The following SPATS2 variants were observed in gnomAD, a reference collection of about 807,000 sequenced individuals.
SPATS2 encodes spermatogenesis associated serine rich 2.
A neutral mutation model predicts 63.7 loss-of-function variants in SPATS2; 38 were observed. The ratio of observed to expected loss-of-function variants is 0.60; its 90% CI spans 0.46 to 0.78. SPATS2 has a LOEUF of 0.78. Among genes scored for constraint, SPATS2 ranks in the 30% least tolerant of loss-of-function variants. The pLI is 0.00. For missense variants in SPATS2, 588 were observed against 666.2 expected, an observed-to-expected ratio of 0.88 and a Z score of 1.29; for synonymous variants, 207 against 232.9, an observed-to-expected ratio of 0.89 and a Z score of 1.01.
At chr12:49,516,138 CAAAAAA>C (rs57936702) in intron 10 of SPATS2, among the ~76,000 whole-genome samples, 2 of 3,474 alleles carry the variant, frequency 5.8e-4, no homozygotes, top group African/African-American at 1.4e-3. Flanking sequence ...GACTCCATCT[CAAAAAA>C]AAAAAAAAAA....
chr12:49,387,868 C>A (rs1944347698), intron 2 of SPATS2, among the ~76,000 whole-genome samples: 1 of 152,106 alleles, frequency 6.6e-6, no homozygotes, highest in South Asian at 2.1e-4. Flanking sequence ...GAGTATCTTA[C>A]TGCAGGTGTA....
intron 3 of SPATS2, among the ~76,000 whole-genome samples, chr12:49,467,707 C>CT (rs972209023): frequency 6.4e-4 from 97 of 151,160 alleles, no homozygotes; most frequent in African/African-American, 1.8e-3. Flanking sequence ...CTCTTTTTTT[C>CT]TTTTTTTTTG....
rs753378038 is a variant in SPATS2 at position 49,409,592 on chromosome 12, A to ATTT, written c.-244+38327_-244+38329dup. ...CAGGCGTGAGCCACTGTGCCCAGCAATTTTTTTTTTTTTTTTTTTTTTTTT... is the reference window on the plus strand; with the variant it reads ...CAGGCGTGAGCCACTGTGCCCAGCAATTTTTTTTTTTTTTTTTTTTTTTTTTTT... On this transcript the variant is annotated intron_variant, in intron 2 of 13. Coordinates refer to ENST00000552918, the MANE Select transcript of SPATS2 (RefSeq NM_023071.4). 2.2e-4 allele frequency among the ~76,000 whole-genome samples: 16 copies of ATTT among 73,546 alleles called. 1 individual carries two copies. The highest frequency in any genetic ancestry group is 3.8e-4 in the African/African-American group (6 of 15,806). 48.2% of individuals were successfully genotyped at this position (73,546 alleles called of 152,430 possible).
intron 9 of SPATS2, among the ~76,000 whole-genome samples, chr12:49,511,167 C>T (rs899434583): frequency 6.6e-6 from 1 of 151,084 alleles, no homozygotes; most frequent in Non-Finnish European, 1.5e-5. Context: ...TGCTATTGTA[C>T]TCCAGAGCGA....
intron 3 of SPATS2, among the ~76,000 whole-genome samples, chr12:49,477,834 A>G (rs1420143557): frequency 6.6e-6 from 1 of 151,974 alleles, no homozygotes; most frequent in Non-Finnish European, 1.5e-5. Context: ...TCTCTTTTTC[A>G]TAAATATTTT....
rs750273703 is a variant in SPATS2, at chr12:49,489,532, T to C, written c.173T>C (p.Phe58Ser). ...GAAATTATCCTGGTTTTGCAGCACT[T>C]TGATAACTGTGTGGACAAAACAGTA... ...NNEIILVLQH[F>S]DNCVDKTVQA... The change falls in exon 5 of 14, where the codon TTT becomes TCT. Residue 58 changes from phenylalanine to serine, a missense_variant. Phe to Ser is a radical substitution (Grantham distance 155). Coordinates refer to ENST00000552918, the MANE Select transcript of SPATS2 (RefSeq NM_023071.4). The C allele has an allele frequency of 2.5e-6, 4 of 1,613,750 alleles. No individual in the cohort carries two copies. Among genetic ancestry groups the C allele is most frequent in the East Asian group, 2.2e-5 (1 of 44,820 alleles).
At chr12:49,474,486 G>A (rs1946087440) in intron 3 of SPATS2, among the ~76,000 whole-genome samples, 1 of 152,212 alleles carries the variant, frequency 6.6e-6, no homozygotes, top group African/African-American at 2.4e-5. Context: ...AGGTAGATGG[G>A]TGGAGAGGGA....
intron 8 of SPATS2, among the ~76,000 whole-genome samples, chr12:49,499,688 T>C (rs890673942): frequency 3.3e-5 from 5 of 152,208 alleles, no homozygotes; most frequent in Admixed American, 1.3e-4. Flanking sequence ...TGAGGATTTC[T>C]CCTCCCTGCA....
At chr12:49,486,185 TTTG>T (rs1002107618) in intron 4 of SPATS2, 72 of 450,280 alleles carry the variant, frequency 1.6e-4, no homozygotes, top group African/African-American at 5.6e-4. Context: ...TTTGGTGCCT[TTTG>T]TTGTTGTTGT....
intron 2 of SPATS2, among the ~76,000 whole-genome samples, chr12:49,398,156 A>G (rs554624745): frequency 0.04 from 5,706 of 140,970 alleles, 79 homozygotes; most frequent in Non-Finnish European, 0.047. Flanking sequence ...AAAAAAAAAA[A>G]AAAAGAAAAG....
At chr12:49,505,061 G>C (rs1013835962) in intron 9 of SPATS2, among the ~76,000 whole-genome samples, 2 of 150,584 alleles carry the variant, frequency 1.3e-5, no homozygotes, top group African/African-American at 4.9e-5. Flanking sequence ...ACCTCGCCCA[G>C]CTCAGAGCTT....
rs112590328 is a variant in SPATS2 at position 49,508,269 on chromosome 12, G to A, written c.840-6286G>A. ...GTCTCCCAGGCCAGAATGTAGTGGC[G>A]CAATATCGGTTCACTGCTACCTCTG... On this transcript the variant is annotated intron_variant, in intron 9 of 13. Coordinates refer to ENST00000552918, the MANE Select transcript of SPATS2 (RefSeq NM_023071.4). 7.3e-3 allele frequency among the ~76,000 whole-genome samples: 1,112 copies of A among 151,868 alleles called. 10 individuals carry two copies. Among genetic ancestry groups the A allele is most frequent in the African/African-American group, 0.025 (1,046 of 41,382 alleles).
At chr12:49,477,367 C>G (rs1946135507) in intron 3 of SPATS2, among the ~76,000 whole-genome samples, 1 of 152,112 alleles carries the variant, frequency 6.6e-6, no homozygotes, top group Non-Finnish European at 1.5e-5. Context: ...AAATGGCACT[C>G]AAAGGAGCAA....
chr12:49,484,155 C>T (rs150289083), intron 3 of SPATS2, among the ~76,000 whole-genome samples: 17 of 152,324 alleles, frequency 1.1e-4, no homozygotes, highest in African/African-American at 3.8e-4. Context: ...AGTCTACAAA[C>T]ATAACATGTA....
At chr12:49,385,827 G>T (rs114637539) in intron 2 of SPATS2, among the ~76,000 whole-genome samples, 11,786 of 147,802 alleles carry the variant, frequency 0.08, 511 homozygotes, top group African/African-American at 0.097. Context: ...ATTTTGTGGG[G>T]TTTTTTTTGT....
intron 2 of SPATS2, among the ~76,000 whole-genome samples, chr12:49,383,230 G>T (rs1423703793): frequency 6.6e-6 from 1 of 151,892 alleles, no homozygotes; most frequent in Non-Finnish European, 1.5e-5. Flanking sequence ...TGTTTGCCAG[G>T]CTGGTCTCGA....
intron 7 of SPATS2, among the ~76,000 whole-genome samples, 185 bp from the exon 8 acceptor site, chr12:49,496,648 A>T (rs1194294761): frequency 6.6e-6 from 1 of 152,164 alleles, no homozygotes; most frequent in Non-Finnish European, 1.5e-5. Context: ...ACTAAGCCCG[A>T]AGCTGCCGAT....
chr12:49,517,826 T>G (rs1374629462), intron 10 of SPATS2, among the ~76,000 whole-genome samples: 1 of 151,664 alleles, frequency 6.6e-6, no homozygotes, highest in Non-Finnish European at 1.5e-5. Context: ...AAATATAGAT[T>G]TTTTTTTTAC....
In SPATS2 at chr12:49,435,951, G is replaced by A. The variant is rs1219035109; in HGVS notation, c.-243-24819G>A. ...ACAGCACATGTTTCAGAGAGCACAG[G>A]GTTGGGGGTAAGGTCACAGATCAAC... On this transcript the variant is annotated intron_variant, in intron 2 of 13. Transcript: ENST00000552918. Among the ~76,000 whole-genome samples, 226 of 150,334 alleles carry A rather than the reference G, an allele frequency of 1.5e-3. 3 individuals are homozygous for A. The highest frequency in any genetic ancestry group is 0.011 in the East Asian group (59 of 5,158).
Sources: allele counts gnomAD v4.1 joint callset (sites outside exome capture counted in the v4.1 genomes callset), GRCh38; gene constraint gnomAD v4.1.1; transcripts MANE v1.5; gene names NCBI Gene and HGNC (gene_info 2026-07-23, HGNC 2026-07-21).